The following PSMA5 variants were observed in gnomAD, a reference collection of about 807,000 sequenced individuals.
The protein encoded by PSMA5 is proteasome 20S subunit alpha 5.
Under a neutral mutation model 34.5 loss-of-function variants are expected in PSMA5, and 3 were observed. The observed-to-expected ratio is 0.09, with a 90% confidence interval of 0.04 to 0.22. The LOEUF is 0.22. Among genes scored for constraint, PSMA5 ranks in the 10% least tolerant of loss-of-function variants. The pLI, the probability that PSMA5 is intolerant of heterozygous loss-of-function variation, is 1.00. For missense variants in PSMA5, 120 were observed against 286.1 expected (o/e 0.42, Z 4.19); for synonymous variants, 88 against 95.8 (o/e 0.92, Z 0.47).
At chr1:109,411,476 T>G (rs566325012) in intron 6 of PSMA5, among the ~76,000 whole-genome samples, 1 of 152,174 alleles carries the variant, frequency 6.6e-6, no homozygotes, top group Non-Finnish European at 1.5e-5. Flanking sequence ...GAATTAGCAC[T>G]GGTTCCAATA....
At chr1:109,423,182 T>C (rs1290168) in intron 1 of PSMA5, among the ~76,000 whole-genome samples, 5,130 of 152,340 alleles carry the variant, frequency 0.034, 303 homozygotes, top group African/African-American at 0.12. Context: ...CTCACGCCTG[T>C]AATCCCAGCA....
intron 8 of PSMA5, among the ~76,000 whole-genome samples, chr1:109,406,382 A>C (rs1328840825): frequency 2.0e-5 from 3 of 152,238 alleles, no homozygotes; most frequent in African/African-American, 7.2e-5. Flanking sequence ...AATTGATGCA[A>C]CACAGGTGAA....
chr1:109,425,723 A>C (rs982866842), intron 1 of PSMA5: 1 of 152,786 alleles, frequency 6.5e-6, no homozygotes, highest in Non-Finnish European at 1.5e-5. Flanking sequence ...TAAACTTTTA[A>C]AAAGTCAGAA....
At chr1:109,415,212 A>G (rs1236880520) in intron 3 of PSMA5, 25 bp downstream of exon 3, 2 of 1,607,424 alleles carry the variant, frequency 1.2e-6, no homozygotes, top group African/African-American at 1.3e-5. Context: ...CAGATCCTAC[A>G]GAACAGCTTT....
chr1:109,402,537 G>A (rs1245363341), intron 8 of PSMA5, among the ~76,000 whole-genome samples: 3 of 152,158 alleles, frequency 2.0e-5, no homozygotes, highest in Non-Finnish European at 4.4e-5. Context: ...TCTGTACAAT[G>A]AGGACAATAA....
At chr1:109,426,107 C>T (rs1199443836) in intron 1 of PSMA5, 195 bp downstream of exon 1, 1 of 677,448 alleles carries the variant, frequency 1.5e-6, no homozygotes, top group Admixed American at 2.7e-5. Flanking sequence ...GGTGACTCAG[C>T]GGTAGGACAA....
rs1653488466 is a variant in PSMA5, at chr1:109,400,884, AT to A, written c.*1128del. ...TGCATCATCCACATATGGATTAGCC[AT>A]GTTGTGGACAGTGCAAGTACTTTTC... On this transcript the variant is annotated 3_prime_UTR_variant, in exon 9 of 9. Coordinates refer to ENST00000271308, the MANE Select transcript of PSMA5 (RefSeq NM_002790.4). 1.3e-5 allele frequency: 2 copies of A among 152,296 alleles called. No homozygotes were observed. The highest frequency in any genetic ancestry group is 4.1e-4 in the South Asian group (2 of 4,832). The allele number at this position is 152,296 out of a possible 1,614,324, so 9.4% of individuals were successfully genotyped here.
At chr1:109,414,237 T>A (rs957079157) in intron 3 of PSMA5, among the ~76,000 whole-genome samples, 3 of 152,226 alleles carry the variant, frequency 2.0e-5, no homozygotes, top group Non-Finnish European at 4.4e-5. Flanking sequence ...AGACACTTGT[T>A]TGCCTTGTGT....
chr1:109,401,435 A>G lies in PSMA5; in HGVS notation c.*578T>C, dbSNP rs996969959. 6.6e-6 allele frequency: 1 copy of G among 152,162 alleles called. No homozygotes were observed. Among genetic ancestry groups the G allele is most frequent in the African/African-American group, 2.4e-5 (1 of 41,438 alleles). The allele number at this position is 152,162 out of a possible 1,614,324, so 9.4% of individuals were successfully genotyped here. On this transcript the variant is annotated 3_prime_UTR_variant, in exon 9 of 9. Transcript: ENST00000271308. ...TCCTTATAAGAAAAGCAGCAAAAAT[A>G]CACGTTTGCTCCAGAAATTATAGGG...
chr1:109,403,113 T>C (rs1324326622), intron 8 of PSMA5, among the ~76,000 whole-genome samples: 1 of 152,202 alleles, frequency 6.6e-6, no homozygotes, highest in Non-Finnish European at 1.5e-5. Flanking sequence ...ATCCAGATTA[T>C]ATTTACATTT....
At chr1:109,421,014 C>A (rs1654415595) in intron 2 of PSMA5, among the ~76,000 whole-genome samples, 1 of 138,338 alleles carries the variant, frequency 7.2e-6, no homozygotes, top group Non-Finnish European at 1.5e-5. Context: ...GACCACATCT[C>A]TACCAAAAAA....
intron 8 of PSMA5, among the ~76,000 whole-genome samples, chr1:109,404,821 G>GA (rs1265035739): frequency 6.6e-6 from 1 of 152,176 alleles, no homozygotes; most frequent in Non-Finnish European, 1.5e-5. Context: ...CAAAGATGAA[G>GA]AAAGTCTTTA....
In PSMA5 at chr1:109,399,843, A is replaced by T. The variant is rs1488458485; in HGVS notation, c.*2170T>A. The T allele has an allele frequency of 6.6e-6, 1 of 152,228 alleles. No individual in the cohort carries two copies. Among genetic ancestry groups the T allele is most frequent in the Non-Finnish European group, 1.5e-5 (1 of 68,040 alleles). 9.4% of individuals were successfully genotyped at this position (152,228 alleles called of 1,614,324 possible). A position where few individuals can be genotyped will look rare whatever the true frequency, so the allele number is the denominator to read the frequency against. The stretch of plus-strand genomic sequence containing the variant: ...CATTAAATATAAAAGTGGCACTGTC[A>T]GTTCTCCTTTGTGAGATACTGGACA... On this transcript the variant is annotated 3_prime_UTR_variant, in exon 9 of 9. Coordinates refer to ENST00000271308, the MANE Select transcript of PSMA5 (RefSeq NM_002790.4).
At chr1:109,415,465 C>T (rs1469691275) in intron 2 of PSMA5, 102 bp from the exon 3 acceptor site, 2 of 1,262,264 alleles carry the variant, frequency 1.6e-6, no homozygotes, top group Non-Finnish European at 2.1e-6. Flanking sequence ...GAAACTTCAA[C>T]TGGCCACATC....
chr1:109,411,147 C>T, intron 6 of PSMA5, 34 bp from the exon 7 acceptor site: 2 of 1,511,130 alleles, frequency 1.3e-6, no homozygotes, highest in Non-Finnish European at 9.2e-7. Flanking sequence ...CTAAAATGCT[C>T]AGGAGTGGTG....
intron 1 of PSMA5, among the ~76,000 whole-genome samples, chr1:109,424,568 G>C (rs1316180798): frequency 6.8e-6 from 1 of 146,428 alleles, no homozygotes; most frequent in Non-Finnish European, 1.5e-5. Context: ...ACGAGGTCAG[G>C]AGTTCAAGAC....
intron 4 of PSMA5, 29 bp from the exon 5 acceptor site, chr1:109,412,213 C>A (rs1230124315): frequency 1.3e-6 from 2 of 1,568,382 alleles, no homozygotes; most frequent in Non-Finnish European, 1.8e-6. Context: ...ATGGTACAAC[C>A]TTCTAATAAG....
At chr1:109,410,648 A>G (rs1653951764) in intron 7 of PSMA5, among the ~76,000 whole-genome samples, 1 of 152,262 alleles carries the variant, frequency 6.6e-6, no homozygotes, top group African/African-American at 2.4e-5. Flanking sequence ...ATTGTGGTAC[A>G]TCCATACCAT....
intron 8 of PSMA5, among the ~76,000 whole-genome samples, chr1:109,408,501 ACTACTT>A (rs1290989144): frequency 1.2e-4 from 19 of 152,200 alleles, no homozygotes; most frequent in African/African-American, 4.3e-4. Context: ...TACACAGTAT[ACTACTT>A]GAATAGGAAT....
Sources: gnomAD v4.1 joint callset for allele counts (sites outside exome capture counted in the v4.1 genomes callset) on GRCh38, gnomAD v4.1.1 for gene constraint, MANE v1.5 for transcripts, NCBI Gene and HGNC (gene_info 2026-07-23, HGNC 2026-07-21) for gene names.